CHN2: variants seen among roughly 807,000 people sequenced by gnomAD.
CHN2 encodes the protein beta-chimaerin.
A neutral mutation model predicts 56.3 loss-of-function variants in CHN2; 35 were observed. The observed-to-expected ratio is 0.62, with a 90% CI of 0.47 to 0.82. The LOEUF (loss-of-function observed/expected upper bound fraction) is 0.82, where lower values mean the gene tolerates loss of function less well. Among genes scored for constraint, CHN2 ranks in the 40% least tolerant of loss-of-function variants. The pLI is 0.00. For missense variants in CHN2, 491 were observed against 580.5 expected, an observed-to-expected ratio of 0.85 and a Z score of 1.58; for synonymous variants, 210 against 212.8, an observed-to-expected ratio of 0.99 and a Z score of 0.12.
intron 1 of CHN2, among the ~76,000 whole-genome samples, chr7:29,337,754 G>C (rs890101985): frequency 2.0e-4 from 31 of 152,210 alleles, no homozygotes; most frequent in Admixed American, 9.8e-4. Flanking sequence ...GATTGTTTCG[G>C]CTGTTGGGTC....
intron 6 of CHN2, chr7:29,479,670 C>CATTAAAAAA: frequency 9.6e-6 from 10 of 1,037,464 alleles, no homozygotes; most frequent in East Asian, 7.7e-5. Flanking sequence ...GATGCAGCCT[C>CATTAAAAAA]AGACTTTGAA....
chr7:29,301,257 T>C (rs1281769639), intron 1 of CHN2, among the ~76,000 whole-genome samples: 1 of 152,150 alleles, frequency 6.6e-6, no homozygotes, highest in Non-Finnish European at 1.5e-5. Flanking sequence ...TATGTTTTTC[T>C]AGCAGTTCCT....
rs185005376 is a variant in CHN2, at chr7:29,311,458, C to T, written c.50-43167C>T. Among the ~76,000 whole-genome samples the T allele has an allele frequency of 5.3e-5, 8 of 152,318 alleles. No individual in the cohort carries two copies. In the East Asian group the frequency reaches 1.2e-3, roughly 22 times the overall value. ...TGTGCCAGGTACTTTATATTTCTCC[C>T]GTATCCTGGCTGTATCCCTGTGAGG... On this transcript the variant is annotated intron_variant, in intron 1 of 12. Transcript: ENST00000222792.
At chr7:29,193,662 G>A (rs1010521759), upstream of CHN2, 3 of 152,162 alleles carry the variant, frequency 2.0e-5, no homozygotes, top group African/African-American at 7.2e-5. Flanking sequence ...ATTAATTTAG[G>A]TTTAAATACA....
At position 29,480,291 on chromosome 7, in the gene CHN2, G is replaced by A; in HGVS notation, c.589G>A (p.Val197Ile). 6.2e-7 allele frequency: 1 copy of A among 1,614,168 alleles called. No homozygotes were observed. Among genetic ancestry groups the A allele is most frequent in the Non-Finnish European group, 8.5e-7 (1 of 1,180,032 alleles). ...HTAVEKISSL[V>I]RRAALTHNDN... ...TGCCTGTTCACAGATCTCCTCCCTG[G>A]TTCGAAGGGCTGCCCTCACACACAA... The change falls in exon 7 of 13, where the codon GTT becomes ATT. Residue 197 changes from valine (V) to isoleucine (I), a missense_variant. Transcript: ENST00000222792.
At chr7:29,444,471 A>G (rs1585414292) in intron 6 of CHN2, among the ~76,000 whole-genome samples, 2 of 152,292 alleles carry the variant, frequency 1.3e-5, no homozygotes, top group East Asian at 1.9e-4. Context: ...CACCTGAGCT[A>G]TTGTAGCTGA....
chr7:29,402,129 T>G (rs1802268894), intron 6 of CHN2, among the ~76,000 whole-genome samples: 1 of 152,132 alleles, frequency 6.6e-6, no homozygotes. Context: ...GCTGATGGAT[T>G]CGGGACTGGC....
chr7:29,344,127 C>T (rs373186995), intron 1 of CHN2, among the ~76,000 whole-genome samples: 2 of 152,162 alleles, frequency 1.3e-5, no homozygotes, highest in Admixed American at 6.5e-5. Context: ...CTGTCTTCTC[C>T]GTGTCCTTCA....
chr7:29,419,326 A>G (rs550288341), intron 6 of CHN2, among the ~76,000 whole-genome samples: 1 of 152,328 alleles, frequency 6.6e-6, no homozygotes, highest in East Asian at 1.9e-4. Flanking sequence ...CACCAAATAC[A>G]CTAACATTAA....
In CHN2 at chr7:29,284,815, GTTC is replaced by G. The variant is rs955350788; in HGVS notation, c.50-69808_50-69806del. 4.4e-4 allele frequency among the ~76,000 whole-genome samples: 67 copies of G among 152,306 alleles called. 1 individual carries two copies. Among genetic ancestry groups the G allele is most frequent in the African/African-American group, 1.6e-3 (66 of 41,576 alleles). On this transcript the variant is annotated intron_variant, in intron 1 of 12. Coordinates refer to ENST00000222792, the MANE Select transcript of CHN2 (RefSeq NM_004067.4). ...TAAGCTGCTAAGTTTGTGTTAATTT[GTTC>G]TGTAGCAATAACAGATGAATGCACA...
intron 1 of CHN2, among the ~76,000 whole-genome samples, chr7:29,254,275 C>A: frequency 6.6e-6 from 1 of 152,148 alleles, no homozygotes; most frequent in East Asian, 1.9e-4. Flanking sequence ...CCATGGTCAT[C>A]TCAGCACCTG....
intron 1 of CHN2, among the ~76,000 whole-genome samples, chr7:29,319,549 A>G (rs939912280): frequency 6.6e-6 from 1 of 152,190 alleles, no homozygotes; most frequent in Middle Eastern, 3.2e-3. Context: ...CACTGTTCAG[A>G]TACAATGCAG....
intron 7 of CHN2, among the ~76,000 whole-genome samples, chr7:29,486,451 G>A (rs1788007019): frequency 1.3e-5 from 2 of 152,142 alleles, no homozygotes; most frequent in Admixed American, 6.5e-5. Context: ...GCCCTATCAG[G>A]ATGTGTCGGG....
chr7:29,225,521 G>GTA (rs1348382838), intron 1 of CHN2, among the ~76,000 whole-genome samples: 21 of 152,166 alleles, frequency 1.4e-4, no homozygotes, highest in Non-Finnish European at 2.5e-4. Context: ...ACAGAGATGT[G>GTA]TATATGCATG....
At chr7:29,354,784 C>A (rs1020244938) in intron 2 of CHN2, 121 bp downstream of exon 2, 3 of 835,874 alleles carry the variant, frequency 3.6e-6, no homozygotes, top group Non-Finnish European at 5.8e-6. Context: ...AAACCCAAAT[C>A]TTTCTTTCCA....
intron 6 of CHN2, among the ~76,000 whole-genome samples, chr7:29,419,930 C>T (rs191626468): frequency 3.3e-5 from 5 of 152,014 alleles, no homozygotes; most frequent in Non-Finnish European, 5.9e-5. Flanking sequence ...CATGGTGGCA[C>T]GCACCTGTAA....
chr7:29,250,528 T>C (rs1189564167), intron 1 of CHN2, among the ~76,000 whole-genome samples: 6 of 152,188 alleles, frequency 3.9e-5, no homozygotes, highest in Admixed American at 1.3e-4. Context: ...GAGACTTTCA[T>C]GAATTATAAC....
intron 6 of CHN2, among the ~76,000 whole-genome samples, chr7:29,414,984 G>C (rs1157583677): frequency 6.6e-6 from 1 of 152,162 alleles, no homozygotes; most frequent in East Asian, 1.9e-4. Flanking sequence ...CTGTAGCTTA[G>C]ATACAGTTCT....
At chr7:29,355,931 C>T (rs3793278) in intron 2 of CHN2, among the ~76,000 whole-genome samples, 35,263 of 151,300 alleles carry the variant, frequency 0.23, 4,666 homozygotes, top group Non-Finnish European at 0.3. Flanking sequence ...CTGTTAAAGG[C>T]GCCATCACAC....
Sources: gnomAD v4.1 joint callset for allele counts (sites outside exome capture counted in the v4.1 genomes callset) on GRCh38, gnomAD v4.1.1 for gene constraint, MANE v1.5 for transcripts, NCBI Gene and HGNC (gene_info 2026-07-23, HGNC 2026-07-21) for gene names.